USP32: variants seen among roughly 807,000 people sequenced by gnomAD.
The protein encoded by USP32 is ubiquitin specific peptidase 32.
Under a neutral mutation model 204.8 loss-of-function variants are expected in USP32, and 59 were observed. That is an observed-to-expected ratio of 0.29 (90% CI 0.23 to 0.36). The LOEUF (loss-of-function observed/expected upper bound fraction) is 0.36. USP32 is among the 10% of genes least tolerant of loss of function. USP32 has a pLI of 1.00. For missense variants in USP32, 1,160 were observed against 1,946.4 expected (o/e 0.60, Z 7.60); for synonymous variants, 517 against 678.4 (o/e 0.76, Z 3.70).
intron 15 of USP32, 110 bp downstream of exon 15, chr17:60,222,299 T>C (rs2085272690): frequency 8.0e-7 from 1 of 1,250,010 alleles, no homozygotes; most frequent in Non-Finnish European, 1.1e-6. Flanking sequence ...AACACTCTTC[T>C]ACCACAAGGT....
chr17:60,213,075 G>A (rs1259160959), intron 18 of USP32, among the ~76,000 whole-genome samples: 1 of 152,194 alleles, frequency 6.6e-6, no homozygotes, highest in Non-Finnish European at 1.5e-5. Flanking sequence ...TACAAAGGCA[G>A]CTAACAATGT....
rs1330644598 is a variant in USP32 at position 60,374,616 on chromosome 17, G to T, written c.58+17266C>A. Among the ~76,000 whole-genome samples, 6 of 152,070 alleles carry T rather than the reference G, an allele frequency of 3.9e-5. No individual in the cohort carries two copies. The East Asian group carries it at 1.2e-3, about 29-fold the overall frequency. On this transcript the variant is annotated intron_variant, in intron 1 of 33. Coordinates refer to ENST00000300896, the MANE Select transcript of USP32 (RefSeq NM_032582.4). ...GCCCAGGCTGGTCTCAAACTCCTGGGCTCAAGCAACCCACCCAAAATGCTG... is the reference window on the plus strand; with the variant it reads ...GCCCAGGCTGGTCTCAAACTCCTGGTCTCAAGCAACCCACCCAAAATGCTG...
In USP32 at chr17:60,219,695, C is replaced by T; in HGVS notation, c.1842G>A (p.Gln614=). The T allele has an allele frequency of 6.2e-7, 1 of 1,606,016 alleles. No homozygotes were observed. Among genetic ancestry groups the T allele is most frequent in the East Asian group, 2.3e-5 (1 of 44,440 alleles). ...FLRQQPATRT[Q]QSNIWVNMGN... ...CCATATTCACCCAGATGTTAGACTGCTGTGTCCGAGTGGCAGGCTGCTGTC... is the reference window on the plus strand; with the variant it reads ...CCATATTCACCCAGATGTTAGACTGTTGTGTCCGAGTGGCAGGCTGCTGTC... The change falls in exon 16 of 34, where the codon CAG becomes CAA. Residue 614 remains glutamine, a synonymous_variant. Transcript: ENST00000300896.
chr17:60,214,194 G>A (rs538608838), intron 17 of USP32, among the ~76,000 whole-genome samples: 60 of 152,034 alleles, frequency 3.9e-4, no homozygotes, highest in Admixed American at 3.3e-3. Flanking sequence ...CAGCCACCTC[G>A]GCCTCCCAAA....
intron 1 of USP32, among the ~76,000 whole-genome samples, chr17:60,364,224 G>C (rs1306640926): frequency 6.6e-6 from 1 of 152,132 alleles, no homozygotes; most frequent in Non-Finnish European, 1.5e-5. Context: ...CCATTCATGA[G>C]GGCAGAGCCC....
chr17:60,215,349 A>T (rs893490130), intron 16 of USP32, among the ~76,000 whole-genome samples: 19 of 152,228 alleles, frequency 1.2e-4, no homozygotes, highest in African/African-American at 4.6e-4. Flanking sequence ...GGTCCAAATT[A>T]TTGGCAATAT....
At chr17:60,198,589 A>T in intron 26 of USP32, 145 bp from the exon 27 acceptor site, 1 of 1,076,612 alleles carries the variant, frequency 9.3e-7, no homozygotes, top group South Asian at 1.8e-5. Flanking sequence ...TTATAAAACC[A>T]TCTTTATTGA....
intron 5 of USP32, among the ~76,000 whole-genome samples, chr17:60,279,305 G>C (rs915721172): frequency 6.7e-6 from 1 of 150,264 alleles, no homozygotes; most frequent in African/African-American, 2.5e-5. Context: ...GCAACATGAT[G>C]AGATCCCATC....
chr17:60,412,785 G>A (rs1237853945), intron 1 of USP32, among the ~76,000 whole-genome samples: 1 of 152,000 alleles, frequency 6.6e-6, no homozygotes, highest in Admixed American at 6.6e-5. Flanking sequence ...ATCATTCCCA[G>A]CTCCAACATT....
In USP32 at chr17:60,183,297, C is replaced by T; in HGVS notation, c.3991G>A (p.Glu1331Lys). ...QHKPLTPQGD[E>K]LSEPRILARE... ...GCCAGAATCCTGGGCTCAGAGAGCT[C>T]ATCCCCCTGGGGTGTGAGTGGTTTA... The change falls in exon 31 of 34, where the codon GAG becomes AAG. Residue 1331 changes from glutamate to lysine, a missense_variant. Glu to Lys is a moderately conservative substitution (Grantham distance 56, BLOSUM62 1). This residue lies in a region of USP32 where 244 missense variants were observed against 342.3 expected (regional missense o/e 0.71). Transcript: ENST00000300896. 6.2e-7 allele frequency: 1 copy of T among 1,613,988 alleles called. No homozygotes were observed. Among genetic ancestry groups the T allele is most frequent in the Non-Finnish European group, 8.5e-7 (1 of 1,179,874 alleles).
chr17:60,317,064 C>T (rs1189122135), intron 2 of USP32, among the ~76,000 whole-genome samples: 1 of 152,076 alleles, frequency 6.6e-6, no homozygotes, highest in Non-Finnish European at 1.5e-5. Flanking sequence ...AATTGCTTAA[C>T]AGGTACAGTA....
chr17:60,380,764 A>G (rs189942256), intron 1 of USP32, among the ~76,000 whole-genome samples: 1 of 152,150 alleles, frequency 6.6e-6, no homozygotes, highest in Non-Finnish European at 1.5e-5. Context: ...CATACCCACT[A>G]CTCATTTGCT....
chr17:60,221,251 G>A (rs997458316), intron 15 of USP32, among the ~76,000 whole-genome samples: 2 of 152,058 alleles, frequency 1.3e-5, no homozygotes, highest in African/African-American at 4.8e-5. Flanking sequence ...AAAATTAGCT[G>A]TTATGGTGGT....
intron 2 of USP32, among the ~76,000 whole-genome samples, chr17:60,302,618 T>A (rs2087613864): frequency 6.6e-6 from 1 of 152,228 alleles, no homozygotes; most frequent in African/African-American, 2.4e-5. Flanking sequence ...AATTATTTAT[T>A]CTTTCTCTTG....
At chr17:60,367,742 A>G (rs1167838597) in intron 1 of USP32, among the ~76,000 whole-genome samples, 1 of 152,196 alleles carries the variant, frequency 6.6e-6, no homozygotes, top group Non-Finnish European at 1.5e-5. Context: ...TGGGAGGCAG[A>G]GGTTGCAGTG....
At chr17:60,223,625 T>C in intron 13 of USP32, 39 bp from the exon 14 acceptor site, 1 of 1,549,634 alleles carries the variant, frequency 6.5e-7, no homozygotes, top group Middle Eastern at 1.8e-4. Context: ...TTATTTTTAG[T>C]TATTATACAT....
At chr17:60,211,220 T>C (rs1316764836) in intron 20 of USP32, 102 bp from the exon 21 acceptor site, 2 of 1,508,666 alleles carry the variant, frequency 1.3e-6, no homozygotes, top group Non-Finnish European at 1.8e-6. Context: ...TCTTTTCTTT[T>C]TGAAACAAGA....
chr17:60,407,392 A>G (rs1305443688), intron 1 of USP32, among the ~76,000 whole-genome samples: 1 of 152,194 alleles, frequency 6.6e-6, no homozygotes, highest in Non-Finnish European at 1.5e-5. Flanking sequence ...CAATTGGAGT[A>G]GAAATAACTT....
intron 1 of USP32, among the ~76,000 whole-genome samples, chr17:60,414,944 C>T (rs1032044465): frequency 5.9e-5 from 9 of 151,650 alleles, no homozygotes; most frequent in South Asian, 2.1e-4. Flanking sequence ...TACGGTCTCC[C>T]GGGTTCAAGC....
Sources: allele counts gnomAD v4.1 joint callset (sites outside exome capture counted in the v4.1 genomes callset), GRCh38; gene constraint gnomAD v4.1.1; regional missense constraint gnomAD v4.1.1; transcripts MANE v1.5; gene names NCBI Gene and HGNC (gene_info 2026-07-23, HGNC 2026-07-21).